LTBP3: variants seen among roughly 807,000 people sequenced by gnomAD.
LTBP3 encodes latent transforming growth factor beta binding protein 3.
A neutral mutation model predicts 159.7 loss-of-function variants in LTBP3; 97 were observed. The observed-to-expected ratio is 0.61, with a 90% CI of 0.52 to 0.72. LTBP3 has a LOEUF of 0.72. Among genes scored for constraint, LTBP3 ranks in the 30% least tolerant of loss-of-function variants. The pLI, the probability that LTBP3 is intolerant of heterozygous loss-of-function variation, is 0.00. For synonymous variants in LTBP3, 824 were observed against 777.1 expected (o/e 1.06, Z -1.00); for missense variants, 1,584 against 1,864.3 (o/e 0.85, Z 2.77).
rs1348019180 is a variant in LTBP3, at chr11:65,547,862, T to C, written c.1847-41A>G. The C allele has an allele frequency of 1.3e-5, 21 of 1,612,916 alleles. No homozygotes were observed. In the Admixed American group the frequency reaches 3.5e-4, roughly 27 times the overall value. The stretch of plus-strand genomic sequence containing the variant: ...AGGCCAAGAAAAGTCAAAGGAAGCG[T>C]CGTTATCTGGGGTCCCCCCCCACCC... On this transcript the variant is annotated intron_variant, in intron 12 of 27. Coordinates refer to ENST00000301873, the MANE Select transcript of LTBP3 (RefSeq NM_001130144.3). This position sits in a 1 kb window ranked among gnomAD's most constrained non-coding sequence, Gnocchi z 4.6.
At chr11:65,548,262 A>G (rs1210121689) in intron 11 of LTBP3, 2 of 673,942 alleles carry the variant, frequency 3.0e-6, no homozygotes, top group African/African-American at 3.6e-5. Flanking sequence ...CAGCCGTATC[A>G]CCCCACACCC....
rs780011704 is a variant in LTBP3 at position 65,538,610 on chromosome 11, A to G, written c.*470T>C. 4 of 1,589,792 alleles carry G rather than the reference A, an allele frequency of 2.5e-6. No individual in the cohort carries two copies. The African/African-American group carries it at 4.0e-5, about 16-fold the overall frequency. ...CCCGGCTGCGGAGAGCCCGCCCCAC[A>G]GATGTATTTATTGTACAAACCATGT... On this transcript the variant is annotated 3_prime_UTR_variant, in exon 28 of 28. Transcript: ENST00000301873.
At chr11:65,556,182 TCACA>T (rs1473572692) in intron 1 of LTBP3, among the ~76,000 whole-genome samples, 1 of 151,592 alleles carries the variant, frequency 6.6e-6, no homozygotes, top group Non-Finnish European at 1.5e-5. Context: ...AGTCCTCTTG[TCACA>T]CACACACAGA....
chr11:65,539,859 G>C lies in LTBP3; in HGVS notation c.3408C>G (p.Asp1136Glu). Reference protein sequence around the residue: ...SPAERAPERRDVCWSQRGEDG... With the variant: ...SPAERAPERREVCWSQRGEDG... The stretch of plus-strand genomic sequence containing the variant: ...CCTCTCCGCGCTGGCTCCAGCACAC[G>C]TCGCGCCGCTCCGGGGCACGCTCTG... The change falls in exon 25 of 28, where the codon GAC becomes GAG. Residue 1136 changes from aspartate (D) to glutamate (E), a missense_variant. Around this residue, in one of 6 missense-constraint regions of LTBP3, gnomAD observed 514 missense variants for 530.3 expected, o/e 0.97. Coordinates refer to ENST00000301873, the MANE Select transcript of LTBP3 (RefSeq NM_001130144.3). 2 of 1,517,958 alleles carry C rather than the reference G, an allele frequency of 1.3e-6. No individual in the cohort carries two copies. Among genetic ancestry groups the C allele is most frequent in the Non-Finnish European group, 1.8e-6 (2 of 1,140,052 alleles). The allele number at this position is 1,517,958 out of a possible 1,614,324, so 94.0% of individuals were successfully genotyped here. A position where few individuals can be genotyped will look rare whatever the true frequency, so the allele number is the denominator to read the frequency against.
intron 11 of LTBP3, 36 bp downstream of exon 11, chr11:65,551,090 G>A (rs1390885888): frequency 1.3e-6 from 2 of 1,518,058 alleles, no homozygotes; most frequent in Non-Finnish European, 1.8e-6. Context: ...TGGGGGCGTG[G>A]CCTAGGCAGG....
chr11:65,539,297 C>T, intron 27 of LTBP3, 31 bp downstream of exon 27: 1 of 1,510,204 alleles, frequency 6.6e-7, no homozygotes, highest in Non-Finnish European at 8.9e-7. Context: ...ACCGGCCCCG[C>T]CCCTGCCCCC....
In LTBP3 at chr11:65,558,157, A is replaced by T; in HGVS notation, c.-198T>A. On this transcript the variant is annotated 5_prime_UTR_variant, in exon 1 of 28. Coordinates refer to ENST00000301873, the MANE Select transcript of LTBP3 (RefSeq NM_001130144.3). ...GCAGACTGGACAGCGGGGAGCGCAGAAACTTCCCAGCCCCAGGACGAAGCC... is the reference window on the plus strand; with the variant it reads ...GCAGACTGGACAGCGGGGAGCGCAGTAACTTCCCAGCCCCAGGACGAAGCC... 9.3e-7 allele frequency: 1 copy of T among 1,074,892 alleles called. No individual in the cohort carries two copies. The highest frequency in any genetic ancestry group is 1.1e-6 in the Non-Finnish European group (1 of 886,650). The allele number at this position is 1,074,892 out of a possible 1,614,324, so 66.6% of individuals were successfully genotyped here. A position where few individuals can be genotyped will look rare whatever the true frequency, so the allele number is the denominator to read the frequency against.
chr11:65,546,176 T>C lies in LTBP3; in HGVS notation c.2353+266A>G. The C allele has an allele frequency of 1.2e-5, 6 of 519,874 alleles. No individual in the cohort carries two copies. The highest frequency in any genetic ancestry group is 2.0e-5 in the Non-Finnish European group (6 of 293,228). The allele number at this position is 519,874 out of a possible 1,614,324, so 32.2% of individuals were successfully genotyped here. A position where few individuals can be genotyped will look rare whatever the true frequency, so the allele number is the denominator to read the frequency against. ...GAGTGCAGGGGGGAGTACTATCGTC[T>C]GCCCTCATTCTTTGATATCTTTTTT... On this transcript the variant is annotated intron_variant, in intron 16 of 27. Coordinates refer to ENST00000301873, the MANE Select transcript of LTBP3 (RefSeq NM_001130144.3). This position sits in a 1 kb window ranked among gnomAD's most constrained non-coding sequence, Gnocchi z 4.0.
rs754347924 is a variant in LTBP3, at chr11:65,552,420, T to TG, written c.1187-15dup. On this transcript the variant is annotated splice_polypyrimidine_tract_variant and intron_variant, in intron 6 of 27. Transcript: ENST00000301873. This position sits in a 1 kb window ranked among gnomAD's most constrained non-coding sequence, Gnocchi z 6.0. ...CCGGTTTGTCTGCTGCAGGGGCCAG[T>TG]GGGGGGCATGGGCATCTGAGCCTGC... is the stretch of plus-strand genomic sequence containing the variant. 1 of 1,611,416 alleles carries TG rather than the reference T, an allele frequency of 6.2e-7. No individual in the cohort carries two copies. The highest frequency in any genetic ancestry group is 2.2e-5 in the East Asian group (1 of 44,878).
rs913431428 is a variant in LTBP3, at chr11:65,552,974, C to T, written c.1072G>A (p.Glu358Lys). The change falls in exon 6 of 28, where the codon GAG (glutamate) becomes AAG (lysine). Residue 358 changes from glutamate to lysine, a missense_variant. By Grantham distance (56) the Glu-to-Lys change is moderately conservative. Coordinates refer to ENST00000301873, the MANE Select transcript of LTBP3 (RefSeq NM_001130144.3). This position sits in a 1 kb window ranked among gnomAD's most constrained non-coding sequence, Gnocchi z 6.0. Reference sequence around the variant, plus strand: ...CGACACACGCCCGGCATTGCGCACTCGTTGATGTCTGTGGTAAGTGGAAGT... The same window carrying T: ...CGACACACGCCCGGCATTGCGCACTTGTTGATGTCTGTGGTAAGTGGAAGT... ...LNSTHCQDINECAMPGVCRHG... is the reference protein window; with the variant it reads ...LNSTHCQDINKCAMPGVCRHG... 2 of 1,614,174 alleles carry T rather than the reference C, an allele frequency of 1.2e-6. No individual in the cohort carries two copies. Among genetic ancestry groups the T allele is most frequent in the South Asian group, 1.1e-5 (1 of 91,072 alleles).
chr11:65,539,950 C>T (rs1455748871), intron 24 of LTBP3, 63 bp downstream of exon 24: 2 of 1,461,422 alleles, frequency 1.4e-6, no homozygotes, highest in African/African-American at 1.5e-5. Context: ...CCCACCCCAC[C>T]TGCGCGGGGG....
chr11:65,550,538 G>T (rs980957236), intron 11 of LTBP3, among the ~76,000 whole-genome samples: 2 of 151,906 alleles, frequency 1.3e-5, no homozygotes, highest in African/African-American at 4.8e-5. Context: ...TTGAAAGATG[G>T]TTATGGGCTG....
rs544308209 is a variant in LTBP3 at position 65,552,793 on chromosome 11, G to T, written c.1186+67C>A. ...ACCCTTAACCCCACTCTGATCTCTT[G>T]CGATCTCTGATCCTTGCTCCCACCC... On this transcript the variant is annotated intron_variant, in intron 6 of 27. Coordinates refer to ENST00000301873, the MANE Select transcript of LTBP3 (RefSeq NM_001130144.3). The surrounding 1 kb of genome is among the most constrained non-coding windows in gnomAD (Gnocchi z 6.0). The T allele has an allele frequency of 2.5e-6, 4 of 1,611,062 alleles. No individual in the cohort carries two copies. Among genetic ancestry groups the T allele is most frequent in the Non-Finnish European group, 3.4e-6 (4 of 1,177,818 alleles).
intron 19 of LTBP3, 85 bp downstream of exon 19, chr11:65,541,515 G>A (rs1856137006): frequency 1.9e-6 from 3 of 1,600,036 alleles, no homozygotes; most frequent in South Asian, 2.2e-5. Context: ...AAATTTAGGA[G>A]GGTGGGGCCA....
At position 65,546,926 on chromosome 11, in the gene LTBP3, C is replaced by G; in HGVS notation, c.2108-6G>C. ...GTCCCGGCACTCGTCGATGTCTGCA[C>G]GGGAGGGAGAAGGAAGAGGACCCAT... On this transcript the variant is annotated splice_polypyrimidine_tract_variant and splice_region_variant and intron_variant, in intron 14 of 27. Transcript: ENST00000301873. This position sits in a 1 kb window ranked among gnomAD's most constrained non-coding sequence, Gnocchi z 4.0. 1 of 1,611,218 alleles carries G rather than the reference C, an allele frequency of 6.2e-7. No homozygotes were observed. Among genetic ancestry groups the G allele is most frequent in the Non-Finnish European group, 8.5e-7 (1 of 1,179,972 alleles).
Position 65,539,302 on chromosome 11 carries a change from GC to G in LTBP3, c.3760+25del, listed in dbSNP as rs1855944935. The G allele has an allele frequency of 1.2e-5, 18 of 1,504,212 alleles. No individual in the cohort carries two copies. The Admixed American group carries it at 3.1e-4, about 26-fold the overall frequency. 93.2% of individuals were successfully genotyped at this position (1,504,212 alleles called of 1,614,324 possible). ...GCTCCTCACCACCGGCCCCGCCCCT[GC>G]CCCCACCCCCGAAGCCCGGCTCACC... On this transcript the variant is annotated intron_variant, in intron 27 of 27. Transcript: ENST00000301873.
At position 65,554,063 on chromosome 11, in the gene LTBP3, T is replaced by C. The variant is rs1856717483; in HGVS notation, c.649A>G (p.Ile217Val). The C allele has an allele frequency of 1.1e-5, 18 of 1,603,506 alleles. No individual in the cohort carries two copies. In the East Asian group the frequency reaches 4.0e-4, roughly 36 times the overall value. ...AGTTGCCTGGTACCTTCTGCTGAGA[T>C]CTGTCCCGGGCCTAGGGGCACCAGG... ...AFLVPLGPGQ[I>V]SAEVQAPPPV... Residue 217 changes from isoleucine to valine, a missense_variant, in exon 2 of 28, where the codon ATC (isoleucine) becomes GTC (valine). Ile to Val is a conservative substitution (Grantham distance 29). This residue lies in a region of LTBP3 where 194 missense variants were observed against 198.7 expected (regional missense o/e 0.98). Transcript: ENST00000301873. The surrounding 1 kb of genome is among the most constrained non-coding windows in gnomAD (Gnocchi z 5.3).
rs1207196552 is a variant in LTBP3, at chr11:65,546,180, C to T, written c.2353+262G>A. On this transcript the variant is annotated intron_variant, in intron 16 of 27. Transcript: ENST00000301873. The surrounding 1 kb of genome is among the most constrained non-coding windows in gnomAD (Gnocchi z 4.0). ...GCAGGGGGGAGTACTATCGTCTGCC[C>T]TCATTCTTTGATATCTTTTTTCCTT... The T allele has an allele frequency of 1.9e-6, 1 of 529,982 alleles. No homozygotes were observed. Among genetic ancestry groups the T allele is most frequent in the Non-Finnish European group, 3.3e-6 (1 of 299,944 alleles). The allele number at this position is 529,982 out of a possible 1,614,324, so 32.8% of individuals were successfully genotyped here.
In LTBP3 at chr11:65,551,676, G is replaced by A. The variant is rs1856619116; in HGVS notation, c.1532-112C>T. Reference sequence around the variant, plus strand: ...GGGTCTCTGGGAGTTCAACAATCATGTCTCCAGGTCAAGGGTCAGGGGTTA... The same window carrying A: ...GGGTCTCTGGGAGTTCAACAATCATATCTCCAGGTCAAGGGTCAGGGGTTA... On this transcript the variant is annotated intron_variant, in intron 8 of 27. Transcript: ENST00000301873. 9 of 1,352,596 alleles carry A rather than the reference G, an allele frequency of 6.7e-6. No homozygotes were observed. In the South Asian group the frequency reaches 1.1e-4, roughly 16 times the overall value. The allele number at this position is 1,352,596 out of a possible 1,614,324, so 83.8% of individuals were successfully genotyped here.
Sources: gnomAD v4.1 joint callset for allele counts (sites outside exome capture counted in the v4.1 genomes callset) on GRCh38, gnomAD v4.1.1 for gene constraint, gnomAD v4.1.1 regional missense constraint, Gnocchi (gnomAD v3.1) non-coding constraint, MANE v1.5 for transcripts, NCBI Gene and HGNC (gene_info 2026-07-23, HGNC 2026-07-21) for gene names.